The following ABR variants were observed in gnomAD, a reference collection of about 807,000 sequenced individuals.
ABR encodes the protein active breakpoint cluster region-related protein.
A neutral mutation model predicts 107.2 loss-of-function variants in ABR; 35 were observed. The ratio of observed to expected loss-of-function variants is 0.33; its 90% CI spans 0.25 to 0.43. ABR has a LOEUF of 0.43. Among genes scored for constraint, ABR ranks in the 20% least tolerant of loss-of-function variants. The pLI is 1.00. For synonymous variants in ABR, 498 were observed against 462.0 expected (o/e 1.08, Z -1.00); for missense variants, 815 against 1,115.2 (o/e 0.73, Z 3.83).
chr17:1,228,478 G>A (rs1296815506), intron 1 of ABR, among the ~76,000 whole-genome samples: 2 of 152,202 alleles, frequency 1.3e-5, no homozygotes, highest in African/African-American at 4.8e-5. Flanking sequence ...GATCTGGCGG[G>A]GGCCAGGCCG....
At chr17:1,166,816 A>G (rs1567850456) in intron 1 of ABR, among the ~76,000 whole-genome samples, 1 of 152,190 alleles carries the variant, frequency 6.6e-6, no homozygotes, top group African/African-American at 2.4e-5. Flanking sequence ...CCTGGCCAAC[A>G]TGGTGTAACC....
chr17:1,067,353 CAGA>C, intron 9 of ABR, 111 bp from the exon 10 acceptor site: 1 of 1,067,188 alleles, frequency 9.4e-7, no homozygotes, highest in East Asian at 2.7e-5. Context: ...GAGAACTCGC[CAGA>C]AGCAAGAACG....
Position 1,122,992 on chromosome 17 carries a change from C to T in ABR, c.246+2191G>A, listed in dbSNP as rs563167792. On this transcript the variant is annotated intron_variant, in intron 2 of 22. Transcript: ENST00000302538. ...CAGGAAGCCTGGTAGGGGAGGGGAC[C>T]TGTTTGGCCAAATAAGCACAGCCAA... Among the ~76,000 whole-genome samples the T allele has an allele frequency of 2.6e-5, 4 of 152,318 alleles. No individual in the cohort carries two copies. In the South Asian group the frequency reaches 8.3e-4, roughly 32 times the overall value.
At chr17:1,031,897 T>G in intron 16 of ABR, 2 of 986,770 alleles carry the variant, frequency 2.0e-6, no homozygotes, top group Non-Finnish European at 2.5e-6. Context: ...CCTCCCTCCG[T>G]CCGCGTCCCT....
At chr17:1,023,323 C>G (rs1289703098) in intron 16 of ABR, among the ~76,000 whole-genome samples, 1 of 152,240 alleles carries the variant, frequency 6.6e-6, no homozygotes, top group Non-Finnish European at 1.5e-5. Flanking sequence ...GGCCCCACAG[C>G]CAGGCACATC....
At chr17:1,017,500 A>C (rs1597380772) in intron 16 of ABR, among the ~76,000 whole-genome samples, 6 of 115,402 alleles carry the variant, frequency 5.2e-5, no homozygotes, top group Admixed American at 1.1e-4. Context: ...ACAGAGTTTC[A>C]CTCTTGTTGC....
intron 1 of ABR, among the ~76,000 whole-genome samples, chr17:1,146,594 A>G (rs2040535275): frequency 6.6e-6 from 1 of 150,726 alleles, no homozygotes. Context: ...ACCTGCCACC[A>G]TGCCACCACT....
chr17:1,062,044 G>C (rs1490023905), intron 10 of ABR, among the ~76,000 whole-genome samples: 1 of 152,208 alleles, frequency 6.6e-6, no homozygotes, highest in East Asian at 1.9e-4. Context: ...GACTGTGGTG[G>C]GCGTGGGTGT....
At chr17:1,068,705 TG>T (rs1335519760) in intron 9 of ABR, among the ~76,000 whole-genome samples, 1 of 152,028 alleles carries the variant, frequency 6.6e-6, no homozygotes, top group African/African-American at 2.4e-5. Context: ...CACATCAGCT[TG>T]GGGTTCCAGT....
At chr17:1,109,163 A>G in intron 2 of ABR, 12 of 1,419,076 alleles carry the variant, frequency 8.5e-6, no homozygotes, top group South Asian at 1.4e-5. Flanking sequence ...GAGGGGGGGC[A>G]GGTCTACACC....
chr17:1,055,017 G>C (rs1478126510), intron 14 of ABR, among the ~76,000 whole-genome samples: 1 of 152,100 alleles, frequency 6.6e-6, no homozygotes, highest in African/African-American at 2.4e-5. Flanking sequence ...TGGCAAATGG[G>C]TAGAAACTAT....
chr17:1,163,202 G>C (rs989579245), intron 1 of ABR, among the ~76,000 whole-genome samples: 2 of 152,216 alleles, frequency 1.3e-5, no homozygotes, highest in Admixed American at 6.5e-5. Context: ...TACAGACAAA[G>C]TGCCTGCAAC....
chr17:1,047,923 C>T (rs945632609), intron 16 of ABR, among the ~76,000 whole-genome samples: 8 of 152,204 alleles, frequency 5.3e-5, no homozygotes, highest in Admixed American at 1.3e-4. Context: ...TGGGGCCCAC[C>T]GTGCCCACGG....
intron 20 of ABR, 182 bp from the exon 21 acceptor site, chr17:1,009,966 GC>G: frequency 4.9e-6 from 3 of 611,270 alleles, no homozygotes; most frequent in Non-Finnish European, 8.7e-6. Flanking sequence ...CCTCCAGGAG[GC>G]CCCACCACGA....
chr17:1,215,995 T>G (rs898232190), intron 1 of ABR, among the ~76,000 whole-genome samples: 1 of 135,762 alleles, frequency 7.4e-6, no homozygotes, highest in South Asian at 2.6e-4. Flanking sequence ...TTAAGAGTCA[T>G]CACCAATCCC....
chr17:1,130,790 G>A (rs907760327), intron 1 of ABR, among the ~76,000 whole-genome samples: 2 of 152,224 alleles, frequency 1.3e-5, no homozygotes, highest in African/African-American at 4.8e-5. Flanking sequence ...ACAGACAGAA[G>A]AGAAGACAGA....
intron 2 of ABR, among the ~76,000 whole-genome samples, chr17:1,110,539 T>C (rs1430250171): frequency 6.6e-6 from 1 of 152,122 alleles, no homozygotes; most frequent in Non-Finnish European, 1.5e-5. Context: ...CGATGGCAAA[T>C]AATTAACATT....
rs141076497 is a variant in ABR at position 1,201,271 on chromosome 17, G to A, written c.838+27522C>T. On this transcript the variant is annotated intron_variant, in intron 1 of 22. Coordinates refer to the ABR transcript ENST00000574139. The stretch of plus-strand genomic sequence containing the variant: ...TGGGTTCTAGAGACAGAACAGACCC[G>A]GTTCACGGCCTGGTGTCACGACGTA... 2.6e-3 allele frequency among the ~76,000 whole-genome samples: 395 copies of A among 152,238 alleles called. 2 individuals carry two copies. Among genetic ancestry groups the A allele is most frequent in the African/African-American group, 8.1e-3 (335 of 41,536 alleles).
At chr17:1,009,223 A>G (rs147566200) in intron 21 of ABR, among the ~76,000 whole-genome samples, 1,611 of 15,390 alleles carry the variant, frequency 0.1, 47 homozygotes, top group African/African-American at 0.23. Context: ...GTCCATCCCC[A>G]CTACTGTCCA....
Sources: gnomAD v4.1 joint callset for allele counts (sites outside exome capture counted in the v4.1 genomes callset) on GRCh38, gnomAD v4.1.1 for gene constraint, MANE v1.5 for transcripts, NCBI Gene and HGNC (gene_info 2026-07-23, HGNC 2026-07-21) for gene names.